Variants in KAT14 observed in about 807,000 individuals in gnomAD.
KAT14 encodes lysine acetyltransferase 14, also known as cysteine-rich protein 2-binding protein.
In KAT14, 66 loss-of-function variants were observed where a neutral mutation model predicts 78.4. That is an observed-to-expected ratio of 0.84 (90% confidence interval 0.69 to 1.03). The LOEUF is 1.03. Ranked by LOEUF, KAT14 falls within the 50% of genes least tolerant of loss-of-function variation. The pLI, the probability that KAT14 is intolerant of heterozygous loss-of-function variation, is 0.00. For missense variants in KAT14, 870 were observed against 972.5 expected, an observed-to-expected ratio of 0.89 and a Z score of 1.40; for synonymous variants, 344 against 359.4, an observed-to-expected ratio of 0.96 and a Z score of 0.48.
At chr20:18,145,789 A>AAAAAT (rs1340289881) in intron 3 of KAT14, among the ~76,000 whole-genome samples, 1 of 152,138 alleles carries the variant, frequency 6.6e-6, no homozygotes, top group African/African-American at 2.4e-5. Flanking sequence ...TCAAAAAAAA[A>AAAAAT]AAAATATATT....
chr20:18,162,864 AGG>A lies in KAT14; in HGVS notation c.1588_1589del (p.Gly530ArgfsTer23). 2 of 1,614,210 alleles carry A rather than the reference AGG, an allele frequency of 1.2e-6. No individual in the cohort carries two copies. Among genetic ancestry groups the A allele is most frequent in the Non-Finnish European group, 1.7e-6 (2 of 1,180,042 alleles). ...TTGACGGGATTTATGGAGCCAAAGA[AGG>A]AGGAATTTCCAGACTTCCAGCTGGA... ...LVDGIYGAKEGGISRLPAGQA... is the reference protein window; with the variant it reads ...LVDGIYGAKEXGISRLPAGQA... On this transcript the variant is annotated frameshift_variant, in exon 7 of 11. Coordinates refer to ENST00000688188, the MANE Select transcript of KAT14 (RefSeq NM_001392073.1). LOFTEE classifies it high-confidence loss of function.
intron 7 of KAT14, among the ~76,000 whole-genome samples, chr20:18,164,525 C>T (rs1179297652): frequency 6.6e-6 from 1 of 152,074 alleles, no homozygotes; most frequent in Non-Finnish European, 1.5e-5. Context: ...TTAGCTTCAC[C>T]ACTGGCTTAG....
At chr20:18,156,692 C>A (rs1485314147) in intron 4 of KAT14, among the ~76,000 whole-genome samples, 1 of 152,170 alleles carries the variant, frequency 6.6e-6, no homozygotes, top group Non-Finnish European at 1.5e-5. Flanking sequence ...TCTCCCCTAG[C>A]TTCTGTTAGC....
chr20:18,154,407 G>T (rs1257660567), intron 4 of KAT14, among the ~76,000 whole-genome samples: 1 of 152,138 alleles, frequency 6.6e-6, no homozygotes, highest in Non-Finnish European at 1.5e-5. Context: ...CCGCCTCCCA[G>T]GTTCAAGCAA....
intron 7 of KAT14, among the ~76,000 whole-genome samples, chr20:18,166,675 C>T (rs1346738888): frequency 1.3e-5 from 2 of 152,214 alleles, no homozygotes; most frequent in Non-Finnish European, 2.9e-5. Flanking sequence ...GTTGGGATCT[C>T]CCCTCTCTGG....
Position 18,157,474 on chromosome 20 carries a change from C to T in KAT14, c.501-1610C>T, listed in dbSNP as rs578115402. On this transcript the variant is annotated intron_variant, in intron 4 of 10. Coordinates refer to ENST00000688188, the MANE Select transcript of KAT14 (RefSeq NM_001392073.1). ...TTGCAGTAAAAACAGTGAAAATTTACCATCTTAACCAGTTCCAAGTGTACA... is the reference window on the plus strand; with the variant it reads ...TTGCAGTAAAAACAGTGAAAATTTATCATCTTAACCAGTTCCAAGTGTACA... 2.0e-5 allele frequency among the ~76,000 whole-genome samples: 3 copies of T among 152,280 alleles called. No individual in the cohort carries two copies. In the South Asian group the frequency reaches 6.2e-4, roughly 32 times the overall value.
At chr20:18,176,005 CA>C (rs35353769) in intron 7 of KAT14, among the ~76,000 whole-genome samples, 3,988 of 106,124 alleles carry the variant, frequency 0.038, 97 homozygotes, top group African/African-American at 0.1. Flanking sequence ...GAGACTGTCT[CA>C]AAAAAAAAAA....
intron 7 of KAT14, among the ~76,000 whole-genome samples, chr20:18,180,568 T>G (rs1045986747): frequency 2.0e-5 from 3 of 152,144 alleles, no homozygotes; most frequent in Non-Finnish European, 4.4e-5. Flanking sequence ...ACCAATTTAT[T>G]ATATTAGTCT....
intron 7 of KAT14, among the ~76,000 whole-genome samples, chr20:18,166,386 A>G (rs968457715): frequency 4.6e-5 from 7 of 152,208 alleles, no homozygotes; most frequent in African/African-American, 1.7e-4. Flanking sequence ...TAAGGAAGCA[A>G]TAACATTTCC....
intron 7 of KAT14, among the ~76,000 whole-genome samples, chr20:18,171,611 A>G (rs2038847380): frequency 6.6e-6 from 1 of 152,186 alleles, no homozygotes; most frequent in Non-Finnish European, 1.5e-5. Flanking sequence ...CAGGAGTTTG[A>G]GACCAGCCTG....
At chr20:18,161,796 C>G in intron 5 of KAT14, 27 bp from the exon 6 acceptor site, 1 of 1,598,526 alleles carries the variant, frequency 6.3e-7, no homozygotes, top group Non-Finnish European at 8.5e-7. Flanking sequence ...GAGGGATACT[C>G]AGCCTGTATT....
At chr20:18,175,373 G>A (rs1034540093) in intron 7 of KAT14, among the ~76,000 whole-genome samples, 3 of 152,110 alleles carry the variant, frequency 2.0e-5, no homozygotes, top group East Asian at 1.9e-4. Context: ...GATTGGCAGC[G>A]ATCTACCTCT....
chr20:18,159,337 T>C, intron 5 of KAT14, 72 bp downstream of exon 5: 2 of 1,532,540 alleles, frequency 1.3e-6, no homozygotes, highest in South Asian at 1.3e-5. Context: ...CAGGAGACGC[T>C]CCTGCTTCCA....
rs1568661439 is a variant in KAT14, at chr20:18,141,041, T to TTA, written c.-453-1166_-453-1165insAT. On this transcript the variant is annotated intron_variant, in intron 1 of 10. Transcript: ENST00000688188. ...CCCTGCAATTTTTTTTTTTTTTTTTTTTTTTATTTTTATTTTTGCTAGAGA... is the reference window on the plus strand; with the variant it reads ...CCCTGCAATTTTTTTTTTTTTTTTTTTATTTTTATTTTTATTTTTGCTAGAGA... 1.0e-3 allele frequency among the ~76,000 whole-genome samples: 45 copies of TTA among 43,606 alleles called. 1 individual carries two copies. The highest frequency in any genetic ancestry group is 2.8e-3 in the African/African-American group (42 of 15,254). The allele number at this position is 43,606 out of a possible 152,430, so 28.6% of individuals were successfully genotyped here.
chr20:18,141,037 T>TA (rs1568661489), intron 1 of KAT14, among the ~76,000 whole-genome samples: 31 of 22,596 alleles, frequency 1.4e-3, no homozygotes, highest in Admixed American at 4.8e-3. Flanking sequence ...TTTTTTTTTT[T>TA]TTTTTTTTTA....
chr20:18,139,674 GTT>G (rs1428576611), intron 1 of KAT14, among the ~76,000 whole-genome samples: 3 of 87,950 alleles, frequency 3.4e-5, no homozygotes, highest in African/African-American at 1.1e-4. Context: ...GTGTGTGTGT[GTT>G]TATTTTTTTT....
At position 18,161,031 on chromosome 20, in the gene KAT14, G is replaced by A. The variant is rs530040607; in HGVS notation, c.683-792G>A. ...CTGTACAAAAATACAAAAATCAGCC[G>A]GGCGTGATGGCGCATGCCTGTAATC... is the stretch of plus-strand genomic sequence containing the variant. On this transcript the variant is annotated intron_variant, in intron 5 of 10. Transcript: ENST00000688188. 1.3e-3 allele frequency among the ~76,000 whole-genome samples: 205 copies of A among 152,066 alleles called. 1 individual carries two copies. Among genetic ancestry groups the A allele is most frequent in the East Asian group, 3.1e-3 (16 of 5,138 alleles).
In KAT14 at chr20:18,174,885, G is replaced by A. The variant is rs560855782; in HGVS notation, c.1669-6825G>A. Among the ~76,000 whole-genome samples the A allele has an allele frequency of 1.6e-4, 24 of 152,020 alleles. No homozygotes were observed. In the East Asian group the frequency reaches 2.1e-3, roughly 13 times the overall value. On this transcript the variant is annotated intron_variant, in intron 7 of 10. Transcript: ENST00000688188. ...TCATCATGTTGGCCAGGCTGGTCTC[G>A]AACTCCTGACCTCAGGTGATCCACC... is the stretch of plus-strand genomic sequence containing the variant.
At chr20:18,169,257 A>G (rs2038766107) in intron 7 of KAT14, among the ~76,000 whole-genome samples, 1 of 152,172 alleles carries the variant, frequency 6.6e-6, no homozygotes, top group Admixed American at 6.5e-5. Context: ...TATTATAGGC[A>G]TATCTTGTTT....
Sources: gnomAD v4.1 joint callset for allele counts (sites outside exome capture counted in the v4.1 genomes callset) on GRCh38, gnomAD v4.1.1 for gene constraint, MANE v1.5 for transcripts, NCBI Gene and HGNC (gene_info 2026-07-23, HGNC 2026-07-21) for gene names.